MAST3: variants seen among roughly 807,000 people sequenced by gnomAD.
MAST3 encodes the protein microtubule associated serine/threonine kinase 3.
MAST3 carries 43 observed loss-of-function variants against 127.0 expected under a neutral mutation model. That is an observed-to-expected ratio of 0.34 (90% confidence interval 0.27 to 0.44). MAST3 has a LOEUF of 0.44. Ranked by LOEUF, MAST3 falls within the 20% of genes least tolerant of loss-of-function variation. MAST3 has a pLI of 1.00. For missense variants in MAST3, 1,390 were observed against 1,919.1 expected (o/e 0.72, Z 5.15); for synonymous variants, 785 against 809.2 (o/e 0.97, Z 0.51).
At position 18,128,421 on chromosome 19, in the gene MAST3, T is replaced by C. The variant is rs1419684646; in HGVS notation, c.1100T>C (p.Leu367Pro). The change falls in exon 12 of 28, where the codon CTC (leucine) becomes CCC (proline). Residue 367 changes from leucine (L) to proline (P), a missense_variant. Leu to Pro is a moderately conservative substitution (Grantham distance 98). Transcript: ENST00000687212. ...GCAGAGATGGTGCCACTGAGTCACC[T>C]CGAAGAAGAACAGCCCCCAGCACCT... ...PLEEMVPLSH[L>P]EEEQPPAPES... The C allele has an allele frequency of 1.9e-6, 3 of 1,555,924 alleles. No individual in the cohort carries two copies. The highest frequency in any genetic ancestry group is 2.6e-6 in the Non-Finnish European group (3 of 1,150,188).
chr19:18,146,821 C>T (rs941782149), intron 25 of MAST3, 60 bp from the exon 26 acceptor site: 37 of 1,475,364 alleles, frequency 2.5e-5, no homozygotes, highest in East Asian at 7.5e-5. Context: ...TAGCAGCTGC[C>T]TGGCAAGTGC....
chr19:18,127,806 C>T (rs563952447), intron 11 of MAST3, among the ~76,000 whole-genome samples: 3 of 152,164 alleles, frequency 2.0e-5, no homozygotes, highest in Admixed American at 1.3e-4. Flanking sequence ...TTGCAGTGAG[C>T]TGAGATCACA....
In MAST3 at chr19:18,149,238, G is replaced by A. The variant is rs1449233492; in HGVS notation, c.3556G>A (p.Ala1186Thr). 1.1e-5 allele frequency: 16 copies of A among 1,467,894 alleles called. No homozygotes were observed. Among genetic ancestry groups the A allele is most frequent in the East Asian group, 2.7e-5 (1 of 37,226 alleles). 90.9% of individuals were successfully genotyped at this position (1,467,894 alleles called of 1,614,324 possible). A position where few individuals can be genotyped will look rare whatever the true frequency, so the allele number is the denominator to read the frequency against. ...PSASPSSSSP[A>T]SPAAAGHTRP... is the part of the protein sequence containing the mutation. ...CGCATCCCCGAGCTCCAGCAGCCCC[G>A]CCTCCCCAGCTGCTGCTGGCCACAC... The change falls in exon 28 of 28, where the codon GCC becomes ACC. Residue 1186 changes from alanine (A) to threonine (T), a missense_variant. This residue lies in a region of MAST3 where 816 missense variants were observed against 934.1 expected (regional missense o/e 0.87). Coordinates refer to ENST00000687212, the MANE Select transcript of MAST3 (RefSeq NM_001393504.1). This position sits in a 1 kb window ranked among gnomAD's most constrained non-coding sequence, Gnocchi z 5.9.
rs901810366 is a variant in MAST3, at chr19:18,123,434, G to C, written c.557+60G>C. On this transcript the variant is annotated intron_variant, in intron 7 of 27. Transcript: ENST00000687212. ...TCCCTGGGCTGGTGTGGAGGCCCAA[G>C]TTGTGGCTCCTCCTTCACCCCAGCC... The C allele has an allele frequency of 8.9e-5, 137 of 1,537,354 alleles. No individual in the cohort carries two copies. In the African/African-American group the frequency reaches 1.6e-3, roughly 18 times the overall value.
Position 18,110,540 on chromosome 19 carries a change from G to A in MAST3, c.72-112G>A. On this transcript the variant is annotated intron_variant, in intron 2 of 27. Coordinates refer to ENST00000687212, the MANE Select transcript of MAST3 (RefSeq NM_001393504.1). This position sits in a 1 kb window ranked among gnomAD's most constrained non-coding sequence, Gnocchi z 4.3. ...GTCCTGAGCTGAACCCAGAATCCCC[G>A]GTCTTGGGCCCCTACTCCCTGAGGG... 2.4e-6 allele frequency: 2 copies of A among 844,494 alleles called. No individual in the cohort carries two copies. Among genetic ancestry groups the A allele is most frequent in the Non-Finnish European group, 2.9e-6 (2 of 700,858 alleles). The allele number at this position is 844,494 out of a possible 1,614,324, so 52.3% of individuals were successfully genotyped here. A position where few individuals can be genotyped will look rare whatever the true frequency, so the allele number is the denominator to read the frequency against.
At chr19:18,129,985 C>T (rs1045523719) in intron 13 of MAST3, among the ~76,000 whole-genome samples, 7 of 149,932 alleles carry the variant, frequency 4.7e-5, no homozygotes, top group African/African-American at 1.7e-4. Context: ...TGCAGTGGCT[C>T]TCGCCTATAA....
Position 18,130,617 on chromosome 19 carries a change from C to T in MAST3, c.1347C>T (p.Thr449=). 2 of 1,614,032 alleles carry T rather than the reference C, an allele frequency of 1.2e-6. No homozygotes were observed. Among genetic ancestry groups the T allele is most frequent in the Non-Finnish European group, 1.7e-6 (2 of 1,179,978 alleles). ...QQVFVERDIL[T]FAENPFVVSM... is the part of the protein sequence containing the mutation. Reference sequence around the variant, plus strand: ...TCTTTGTGGAGCGTGACATTCTCACCTTTGCCGAGAACCCCTTTGTGGTCA... The same window carrying T: ...TCTTTGTGGAGCGTGACATTCTCACTTTTGCCGAGAACCCCTTTGTGGTCA... Residue 449 remains threonine (T), a synonymous_variant, in exon 14 of 28, where the codon ACC becomes ACT. Transcript: ENST00000687212.
intron 1 of MAST3, among the ~76,000 whole-genome samples, chr19:18,099,790 A>G (rs1471491847): frequency 6.6e-6 from 1 of 152,230 alleles, no homozygotes; most frequent in East Asian, 1.9e-4. Flanking sequence ...ACCTGTTTAT[A>G]TGGGGAAACA....
At position 18,144,936 on chromosome 19, in the gene MAST3, TG is replaced by T; in HGVS notation, c.2813-64del. The stretch of plus-strand genomic sequence containing the variant: ...AAAGTGGCCAGGGTGGTCGTTGTGG[TG>T]GGAAAGAGGGGGCCCCAGGGGAGAC... On this transcript the variant is annotated intron_variant, in intron 23 of 27. Coordinates refer to ENST00000687212, the MANE Select transcript of MAST3 (RefSeq NM_001393504.1). This position sits in a 1 kb window ranked among gnomAD's most constrained non-coding sequence, Gnocchi z 4.0. The T allele has an allele frequency of 1.1e-6, 1 of 948,624 alleles. No homozygotes were observed. 58.8% of individuals were successfully genotyped at this position (948,624 alleles called of 1,614,324 possible).
intron 3 of MAST3, among the ~76,000 whole-genome samples, chr19:18,111,663 T>C (rs2038661120): frequency 6.6e-6 from 1 of 151,224 alleles, no homozygotes; most frequent in Non-Finnish European, 1.5e-5. Flanking sequence ...GCCTCCCAAG[T>C]AGCAGGGACT....
At chr19:18,135,880 TCAGGCCCTGGGACC>T in intron 18 of MAST3, 39 bp downstream of exon 18, 1 of 1,509,480 alleles carries the variant, frequency 6.6e-7, no homozygotes, top group Non-Finnish European at 9.1e-7. Flanking sequence ...GGTGGCTCCT[TCAGGCCCTGGGACC>T]CAGGGAATGG....
chr19:18,119,043 T>C (rs2039639150), intron 3 of MAST3, among the ~76,000 whole-genome samples: 1 of 152,178 alleles, frequency 6.6e-6, no homozygotes, highest in African/African-American at 2.4e-5. Flanking sequence ...TGCCACATTC[T>C]CTCTGTTGTG....
rs1310817156 is a variant in MAST3, at chr19:18,122,854, GC to G, written c.399+104del. Reference sequence around the variant, plus strand: ...AAGGTGTTGGATAGTTGTGCAGTCAGCAAACATACTAGTTACTTCCTCCATG... The same window carrying G: ...AAGGTGTTGGATAGTTGTGCAGTCAGAAACATACTAGTTACTTCCTCCATG... On this transcript the variant is annotated intron_variant, in intron 6 of 27. Transcript: ENST00000687212. The G allele has an allele frequency of 4.1e-5, 50 of 1,220,652 alleles. No individual in the cohort carries two copies. The African/African-American group carries it at 7.4e-4, about 18-fold the overall frequency. The allele number at this position is 1,220,652 out of a possible 1,614,324, so 75.6% of individuals were successfully genotyped here. A position where few individuals can be genotyped will look rare whatever the true frequency, so the allele number is the denominator to read the frequency against.
chr19:18,113,710 C>T (rs1294150795), intron 3 of MAST3, among the ~76,000 whole-genome samples: 1 of 152,188 alleles, frequency 6.6e-6, no homozygotes, highest in Non-Finnish European at 1.5e-5. Flanking sequence ...GATCCACCCG[C>T]CATGGCCTCC....
Position 18,106,055 on chromosome 19 carries a change from TAAATACAACTAATTGGTAATTTTAAATA to T in MAST3, c.40-1527_40-1500del, listed in dbSNP as rs531573380. Among the ~76,000 whole-genome samples the T allele has an allele frequency of 4.3e-4, 65 of 152,304 alleles. No homozygotes were observed. The East Asian group carries it at 8.3e-3, about 19-fold the overall frequency. ...TAGCCACTACTGACATACTTCTTCA[TAAATACAACTAATTGGTAATTTTAAATA>T]AAATTATTATTAATTTTTTTTAGAC... On this transcript the variant is annotated intron_variant, in intron 1 of 27. Coordinates refer to ENST00000687212, the MANE Select transcript of MAST3 (RefSeq NM_001393504.1).
At position 18,121,763 on chromosome 19, in the gene MAST3, G is replaced by A. The variant is rs371510297; in HGVS notation, c.240G>A (p.Ser80=). 237 of 1,613,986 alleles carry A rather than the reference G, an allele frequency of 1.5e-4. No individual in the cohort carries two copies. The highest frequency in any genetic ancestry group is 1.3e-3 in the Middle Eastern group (8 of 6,060). Residue 80 remains serine, a synonymous_variant, in exon 4 of 28, where the codon TCG becomes TCA. Transcript: ENST00000687212. ...PTLSRPLSPL[S]VPTGSSPLDS... ...TCTCCCGGCCCCTGTCGCCATTGTC[G>A]GTCCCAACGGGTGAGTGTGGGAGCA... is the stretch of plus-strand genomic sequence containing the variant.
chr19:18,101,990 C>A (rs1222334337), intron 1 of MAST3, among the ~76,000 whole-genome samples: 1 of 147,632 alleles, frequency 6.8e-6, no homozygotes, highest in Non-Finnish European at 1.5e-5. Context: ...ATGCCATTCT[C>A]CTGCCTCAGC....
At chr19:18,099,503 T>TG (rs1178185622) in intron 1 of MAST3, among the ~76,000 whole-genome samples, 5 of 138,690 alleles carry the variant, frequency 3.6e-5, no homozygotes, top group African/African-American at 8.2e-5. Context: ...TGTTCCATGG[T>TG]GGGGGGGTCA....
In MAST3 at chr19:18,110,625, C is replaced by T. The variant is rs1443920687; in HGVS notation, c.72-27C>T. On this transcript the variant is annotated intron_variant, in intron 2 of 27. Transcript: ENST00000687212. This position sits in a 1 kb window ranked among gnomAD's most constrained non-coding sequence, Gnocchi z 4.3. ...CACACGAAGGGGCGGCCGCCAGGTT[C>T]ACCGTCCCCGGCCTCTTTCTTTGCA... The T allele has an allele frequency of 3.1e-5, 30 of 978,162 alleles. No individual in the cohort carries two copies. The highest frequency in any genetic ancestry group is 3.5e-5 in the Non-Finnish European group (29 of 823,052). The allele number at this position is 978,162 out of a possible 1,614,324, so 60.6% of individuals were successfully genotyped here.
Sources: gnomAD v4.1 joint callset for allele counts (sites outside exome capture counted in the v4.1 genomes callset) on GRCh38, gnomAD v4.1.1 for gene constraint, gnomAD v4.1.1 regional missense constraint, Gnocchi (gnomAD v3.1) non-coding constraint, MANE v1.5 for transcripts, NCBI Gene and HGNC (gene_info 2026-07-23, HGNC 2026-07-21) for gene names.